Variants in PWWP2A observed in about 807,000 individuals in gnomAD.
PWWP2A encodes the protein PWWP domain-containing protein 2A.
In PWWP2A, 18 loss-of-function variants were observed where a neutral mutation model predicts 48.5. The observed-to-expected ratio is 0.37, with a 90% CI of 0.26 to 0.55. The LOEUF (loss-of-function observed/expected upper bound fraction) is 0.55. Ranked by LOEUF, PWWP2A falls within the 20% of genes least tolerant of loss-of-function variation. The pLI, the probability that PWWP2A is intolerant of heterozygous loss-of-function variation, is 0.81. For synonymous variants in PWWP2A, 396 were observed against 387.7 expected (o/e 1.02, Z -0.25); for missense variants, 867 against 976.4 (o/e 0.89, Z 1.49).
downstream of PWWP2A, among the ~76,000 whole-genome samples, chr5:160,059,221 G>A (rs888686968): frequency 6.6e-6 from 1 of 152,174 alleles, no homozygotes; most frequent in African/African-American, 2.4e-5. Context: ...AACATGCTTA[G>A]TGTAGCCACC....
At chr5:160,055,241 A>G in the PWWP2A span, among the ~76,000 whole-genome samples, 4 of 152,202 alleles carry the variant, frequency 2.6e-5, no homozygotes, top group Non-Finnish European at 4.4e-5. Flanking sequence ...GAAATTGTCA[A>G]TAAAATCTGT....
At chr5:160,098,065 T>C (rs1755871962) in intron 1 of PWWP2A, among the ~76,000 whole-genome samples, 1 of 152,194 alleles carries the variant, frequency 6.6e-6, no homozygotes, top group African/African-American at 2.4e-5. Flanking sequence ...ATACTCTCAA[T>C]GCAAGTATGG....
intron 1 of PWWP2A, among the ~76,000 whole-genome samples, chr5:160,116,419 GCA>G (rs1309430947): frequency 2.6e-5 from 4 of 152,060 alleles, no homozygotes; most frequent in African/African-American, 9.7e-5. Flanking sequence ...TCGCATCACT[GCA>G]CTCCAGCCTG....
At chr5:160,102,968 G>A (rs947097012) in intron 1 of PWWP2A, among the ~76,000 whole-genome samples, 1 of 152,168 alleles carries the variant, frequency 6.6e-6, no homozygotes, top group African/African-American at 2.4e-5. Flanking sequence ...TGAAACATGA[G>A]ATACAAAGTA....
At chr5:160,073,637 G>A (rs1474084391), downstream of PWWP2A, among the ~76,000 whole-genome samples, 2 of 152,082 alleles carry the variant, frequency 1.3e-5, no homozygotes, top group Non-Finnish European at 1.5e-5. Flanking sequence ...TACTCTTAAC[G>A]CTTAAAGACA....
At chr5:160,072,708 A>T (rs1189165308), downstream of PWWP2A, among the ~76,000 whole-genome samples, 3 of 152,132 alleles carry the variant, frequency 2.0e-5, no homozygotes, top group Admixed American at 1.3e-4. Flanking sequence ...CAGCCTGGGC[A>T]ACAGAGCGAG....
At chr5:160,082,317 G>A (rs992303824) in intron 2 of PWWP2A, among the ~76,000 whole-genome samples, 1 of 151,756 alleles carries the variant, frequency 6.6e-6, no homozygotes, top group Non-Finnish European at 1.5e-5. Context: ...GGTAGCGGGC[G>A]CCTGTAGTCC....
At chr5:160,091,180 CATT>C (rs1448362342), downstream of PWWP2A, 1 of 974,450 alleles carries the variant, frequency 1.0e-6, no homozygotes, top group African/African-American at 1.8e-5. Flanking sequence ...ATTCATCTCT[CATT>C]ATTTGAAGTT....
chr5:160,062,441 C>G (rs574573735), intron 5 of PWWP2A, among the ~76,000 whole-genome samples: 1 of 152,332 alleles, frequency 6.6e-6, no homozygotes, highest in East Asian at 1.9e-4. Context: ...ACTGCAAGGT[C>G]AGAAAGCACC....
chr5:160,089,596 C>T (rs1187124307), downstream of PWWP2A: 1 of 1,288,568 alleles, frequency 7.8e-7, no homozygotes, highest in Non-Finnish European at 1.0e-6. Context: ...TAGTCAGCTT[C>T]CTGGTCTATA....
chr5:160,069,006 C>T (rs768517428), intron 2 of PWWP2A, among the ~76,000 whole-genome samples: 5 of 152,034 alleles, frequency 3.3e-5, no homozygotes, highest in Admixed American at 6.6e-5. Context: ...TTTTTCTCAG[C>T]GGCGCACAGT....
intron 1 of PWWP2A, 148 bp downstream of exon 1, chr5:160,118,657 C>T (rs1561714413): frequency 1.5e-5 from 12 of 780,970 alleles, no homozygotes; most frequent in Non-Finnish European, 2.0e-5. Context: ...GCCTGCCCCA[C>T]TCGGAGCGCG....
intron 1 of PWWP2A, among the ~76,000 whole-genome samples, chr5:160,099,278 T>C (rs1756005034): frequency 6.6e-6 from 1 of 152,164 alleles, no homozygotes. Context: ...AGTTGAGTAA[T>C]AAGATACCCT....
chr5:160,112,257 G>A (rs900550113), intron 1 of PWWP2A, among the ~76,000 whole-genome samples: 1 of 152,036 alleles, frequency 6.6e-6, no homozygotes, highest in Non-Finnish European at 1.5e-5. Flanking sequence ...GCCTCTCTCT[G>A]TCATCCGGGC....
intron 2 of PWWP2A, among the ~76,000 whole-genome samples, chr5:160,081,875 TCA>T (rs544835076): frequency 9.5e-4 from 145 of 152,292 alleles, no homozygotes; most frequent in Non-Finnish European, 1.7e-3. Flanking sequence ...TAGATAACAT[TCA>T]GTCTTTATAA....
At chr5:160,070,637 G>A (rs1753719347) in intron 2 of PWWP2A, among the ~76,000 whole-genome samples, 1 of 152,104 alleles carries the variant, frequency 6.6e-6, no homozygotes, top group Admixed American at 6.5e-5. Context: ...CTGTACTTAA[G>A]GAGACAGTGT....
the PWWP2A span, among the ~76,000 whole-genome samples, chr5:160,047,255 C>G: frequency 6.6e-6 from 1 of 151,938 alleles, no homozygotes; most frequent in Non-Finnish European, 1.5e-5. Context: ...GCCCAGCCCC[C>G]ACACACACAC....
At chr5:160,058,712 A>G (rs542102224), downstream of PWWP2A, among the ~76,000 whole-genome samples, 3 of 152,250 alleles carry the variant, frequency 2.0e-5, no homozygotes, top group South Asian at 4.1e-4. Context: ...CGCCTGGCCA[A>G]TGAAGTGTAT....
chr5:160,062,798 C>T (rs1228497309), intron 5 of PWWP2A, among the ~76,000 whole-genome samples: 1 of 151,690 alleles, frequency 6.6e-6, no homozygotes, highest in Non-Finnish European at 1.5e-5. Flanking sequence ...TCTTGGGCTG[C>T]TTTTGATGGT....
Sources: allele counts gnomAD v4.1 joint callset (sites outside exome capture counted in the v4.1 genomes callset), GRCh38; gene constraint gnomAD v4.1.1; transcripts MANE v1.5; gene names NCBI Gene and HGNC (gene_info 2026-07-23, HGNC 2026-07-21).